MAP3K13: variants seen among roughly 807,000 people sequenced by gnomAD.
The protein encoded by MAP3K13 is leucine zipper-bearing kinase.
A neutral mutation model predicts 104.0 loss-of-function variants in MAP3K13; 52 were observed. The ratio of observed to expected loss-of-function variants is 0.50; its 90% CI spans 0.40 to 0.63. The LOEUF is 0.63. MAP3K13 is among the 20% of genes least tolerant of loss of function. The probability of loss-of-function intolerance (pLI) is 0.00; values close to 1 mark genes in which losing one functional copy is unlikely to be tolerated. For synonymous variants in MAP3K13, 394 were observed against 442.2 expected (o/e 0.89, Z 1.37); for missense variants, 914 against 1,218.5 (o/e 0.75, Z 3.72).
chr3:185,384,272 A>G (rs1711551551), intron 1 of MAP3K13, among the ~76,000 whole-genome samples: 1 of 151,058 alleles, frequency 6.6e-6, no homozygotes, highest in Non-Finnish European at 1.5e-5. Context: ...AAATGACTGC[A>G]TTCCATTCTT....
intron 11 of MAP3K13, among the ~76,000 whole-genome samples, chr3:185,476,022 A>G (rs867001312): frequency 6.6e-6 from 1 of 152,180 alleles, no homozygotes; most frequent in Non-Finnish European, 1.5e-5. Context: ...GTATAGTTCA[A>G]TGCTTTTTAT....
chr3:185,446,155 A>G (rs1335056072), intron 4 of MAP3K13, among the ~76,000 whole-genome samples: 1 of 152,224 alleles, frequency 6.6e-6, no homozygotes, highest in Non-Finnish European at 1.5e-5. Context: ...GTAAATGTGA[A>G]GGAATCCCTG....
chr3:185,347,048 G>T (rs1019618861), intron 2 of MAP3K13, among the ~76,000 whole-genome samples: 5 of 147,126 alleles, frequency 3.4e-5, no homozygotes, highest in African/African-American at 1.3e-4. Context: ...GTGCAGTGGC[G>T]CAATCTCGGC....
intron 1 of MAP3K13, among the ~76,000 whole-genome samples, chr3:185,413,832 AAAC>A (rs890577400): frequency 1.3e-5 from 2 of 152,146 alleles, no homozygotes; most frequent in African/African-American, 4.8e-5. Context: ...AAAAAACAAA[AAAC>A]AAAACAAACA....
intron 7 of MAP3K13, among the ~76,000 whole-genome samples, chr3:185,455,659 T>TATATATGACATATATATC (rs1560120219): frequency 4.6e-5 from 1 of 21,648 alleles, no homozygotes; most frequent in African/African-American, 1.1e-4. Context: ...ATATATATGA[T>TATATATGACATATATATC]ATATATATGA....
At chr3:185,414,812 A>G (rs915353715) in intron 1 of MAP3K13, among the ~76,000 whole-genome samples, 2 of 152,214 alleles carry the variant, frequency 1.3e-5, no homozygotes, top group African/African-American at 4.8e-5. Context: ...CTGTCCAACT[A>G]AACAATCCAA....
At chr3:185,406,754 G>A (rs1425737339) in intron 1 of MAP3K13, among the ~76,000 whole-genome samples, 1 of 152,112 alleles carries the variant, frequency 6.6e-6, no homozygotes, top group African/African-American at 2.4e-5. Context: ...TTTCCCATAG[G>A]TATTTAATAA....
intron 1 of MAP3K13, among the ~76,000 whole-genome samples, chr3:185,422,541 A>T (rs369367861): frequency 6.6e-6 from 1 of 152,144 alleles, no homozygotes; most frequent in Non-Finnish European, 1.5e-5. Context: ...CAAAACAAAC[A>T]TGTGTTTTTC....
At chr3:185,341,525 C>CG (rs1254606328) in intron 2 of MAP3K13, among the ~76,000 whole-genome samples, 1 of 152,124 alleles carries the variant, frequency 6.6e-6, no homozygotes, top group African/African-American at 2.4e-5. Flanking sequence ...GAAATATGCC[C>CG]GGGAAACTAA....
chr3:185,469,009 T>G (rs941135608), intron 10 of MAP3K13, among the ~76,000 whole-genome samples: 3 of 152,192 alleles, frequency 2.0e-5, no homozygotes, highest in African/African-American at 7.2e-5. Context: ...ACAACACAAG[T>G]AGATGCTTAG....
intron 2 of MAP3K13, among the ~76,000 whole-genome samples, chr3:185,306,785 A>G (rs1027441853): frequency 3.9e-5 from 6 of 152,068 alleles, no homozygotes; most frequent in Non-Finnish European, 5.9e-5. Context: ...CTTTAGTTTA[A>G]TTAGGTTCCA....
intron 1 of MAP3K13, among the ~76,000 whole-genome samples, chr3:185,395,357 C>CTTTCTTTCTTTTTT (rs1553798321): frequency 1.4e-5 from 1 of 69,978 alleles, no homozygotes; most frequent in Non-Finnish European, 2.4e-5. Context: ...AATATTATTT[C>CTTTCTTTCTTTTTT]TTTTTTTTTT....
intron 1 of MAP3K13, among the ~76,000 whole-genome samples, chr3:185,389,290 G>A (rs530938650): frequency 6.6e-6 from 1 of 152,248 alleles, no homozygotes; most frequent in African/African-American, 2.4e-5. Context: ...GACAATGCTA[G>A]TTGAGTCTTA....
chr3:185,393,314 G>A (rs939882188), intron 1 of MAP3K13, among the ~76,000 whole-genome samples: 5 of 152,194 alleles, frequency 3.3e-5, no homozygotes, highest in East Asian at 1.9e-4. Flanking sequence ...CGGAAATGCT[G>A]CAATTAATGT....
At chr3:185,319,640 A>C (rs1176251957) in intron 2 of MAP3K13, among the ~76,000 whole-genome samples, 1 of 152,200 alleles carries the variant, frequency 6.6e-6, no homozygotes, top group African/African-American at 2.4e-5. Flanking sequence ...CTAGATACCA[A>C]ATTGCATGGT....
chr3:185,467,737 C>T (rs1717533560), intron 10 of MAP3K13, among the ~76,000 whole-genome samples: 1 of 147,356 alleles, frequency 6.8e-6, no homozygotes, highest in African/African-American at 2.5e-5. Context: ...GAGCTGAGAT[C>T]ATGCCACTGC....
At chr3:185,395,904 C>A (rs1331375469) in intron 1 of MAP3K13, among the ~76,000 whole-genome samples, 2 of 151,872 alleles carry the variant, frequency 1.3e-5, no homozygotes, top group African/African-American at 4.8e-5. Flanking sequence ...TCTTGAACTC[C>A]CGAGCTCAAA....
At position 185,330,095 on chromosome 3, in the gene MAP3K13, G is replaced by A. The variant is rs1229540788; in HGVS notation, c.-86+44452G>A. ...TTTTTTTTTTTTTAGTAGAGATGGG[G>A]TTTCACCATGTTAGCCAGGATGGTC... On this transcript the variant is annotated intron_variant, in intron 2 of 14. Transcript: ENST00000424227. Among the ~76,000 whole-genome samples the A allele has an allele frequency of 8.1e-5, 11 of 135,398 alleles. 1 individual carries two copies. The East Asian group carries it at 1.6e-3, about 20-fold the overall frequency. 88.8% of individuals were successfully genotyped at this position (135,398 alleles called of 152,430 possible). A position where few individuals can be genotyped will look rare whatever the true frequency, so the allele number is the denominator to read the frequency against.
chr3:185,416,256 A>T (rs115664580), intron 1 of MAP3K13, among the ~76,000 whole-genome samples: 1 of 152,072 alleles, frequency 6.6e-6, no homozygotes, highest in Non-Finnish European at 1.5e-5. Context: ...GGAAAAGCTT[A>T]CTTGTCTTTT....
Sources: gnomAD v4.1 joint callset for allele counts (sites outside exome capture counted in the v4.1 genomes callset) on GRCh38, gnomAD v4.1.1 for gene constraint, MANE v1.5 for transcripts, NCBI Gene and HGNC (gene_info 2026-07-23, HGNC 2026-07-21) for gene names.